Variants in CCDC150 observed in about 807,000 individuals in gnomAD.
The protein encoded by CCDC150 is coiled-coil domain-containing protein 150.
In CCDC150, 151 loss-of-function variants were observed where a neutral mutation model predicts 156.5. The observed-to-expected ratio is 0.97, with a 90% confidence interval of 0.85 to 1.10. The LOEUF (loss-of-function observed/expected upper bound fraction) is 1.10, where lower values mean the gene tolerates loss of function less well. Among genes scored for constraint, CCDC150 ranks in the 50% least tolerant of loss-of-function variants. The probability of loss-of-function intolerance (pLI) is 0.00; values close to 1 mark genes in which losing one functional copy is unlikely to be tolerated. For missense variants in CCDC150, 1,312 were observed against 1,268.1 expected, an observed-to-expected ratio of 1.03 and a Z score of -0.53; for synonymous variants, 452 against 429.4, an observed-to-expected ratio of 1.05 and a Z score of -0.65.
At chr2:196,729,730 C>T in intron 23 of CCDC150, 63 bp from the exon 24 acceptor site, 4 of 1,131,478 alleles carry the variant, frequency 3.5e-6, no homozygotes, top group Middle Eastern at 5.7e-4. Flanking sequence ...ATCCTATAGG[C>T]AAAAAGAGCA....
At chr2:196,647,802 GTTA>G (rs1238873628) in intron 2 of CCDC150, among the ~76,000 whole-genome samples, 1 of 152,010 alleles carries the variant, frequency 6.6e-6, no homozygotes, top group Non-Finnish European at 1.5e-5. Flanking sequence ...TATACAATAC[GTTA>G]TTATTAATTA....
intron 2 of CCDC150, among the ~76,000 whole-genome samples, chr2:196,656,052 G>C (rs1381355019): frequency 6.6e-6 from 1 of 152,118 alleles, no homozygotes; most frequent in Non-Finnish European, 1.5e-5. Context: ...TTGAGTTGTA[G>C]GCCCTTCTCT....
Position 196,720,703 on chromosome 2 carries a change from T to C in CCDC150, c.2259+35T>C. On this transcript the variant is annotated intron_variant, in intron 20 of 27. Transcript: ENST00000389175. ...AGGCTTTAAAAAATGATAACATTGA[T>C]ATTTTTAGTTTTATTGGGATATTAC... The C allele has an allele frequency of 1.9e-6, 3 of 1,555,400 alleles. No individual in the cohort carries two copies. The Admixed American group carries it at 5.4e-5, about 28-fold the overall frequency.
At chr2:196,665,720 T>A in intron 6 of CCDC150, 37 bp downstream of exon 6, 1 of 1,281,602 alleles carries the variant, frequency 7.8e-7, no homozygotes. Context: ...GTTTGGGAAA[T>A]GAAACCAAAC....
rs2125702472 is a variant in CCDC150, at chr2:196,718,570, TGAAA to T, written c.1937_1940del (p.Lys646ArgfsTer5). On this transcript the variant is annotated frameshift_variant, in exon 18 of 28. Coordinates refer to ENST00000389175, the MANE Select transcript of CCDC150 (RefSeq NM_001080539.2). LOFTEE classifies it high-confidence loss of function. ...ACAGTGAAGTGTCGTAATGCGGCCC[TGAAA>T]GAGAGTCAGAAGTTGAAAGAAGACC... 1 of 1,613,810 alleles carries T rather than the reference TGAAA, an allele frequency of 6.2e-7. No individual in the cohort carries two copies. The highest frequency in any genetic ancestry group is 8.5e-7 in the Non-Finnish European group (1 of 1,179,790).
chr2:196,642,916 A>T (rs908565665), intron 1 of CCDC150, among the ~76,000 whole-genome samples: 1 of 151,984 alleles, frequency 6.6e-6, no homozygotes, highest in Non-Finnish European at 1.5e-5. Flanking sequence ...ATTTTTAAAA[A>T]TTTTTGGAAG....
intron 1 of CCDC150, among the ~76,000 whole-genome samples, chr2:196,643,859 A>G (rs1483524013): frequency 6.6e-6 from 1 of 152,224 alleles, no homozygotes; most frequent in Non-Finnish European, 1.5e-5. Context: ...CTATATGTAG[A>G]AGAAAGTGAC....
Position 196,712,205 on chromosome 2 carries a change from G to T in CCDC150, c.1756G>T (p.Asp586Tyr). Residue 586 changes from aspartate (D) to tyrosine (Y), a missense_variant, in exon 16 of 28, where the codon GAT becomes TAT. Asp to Tyr is a radical substitution (Grantham distance 160, BLOSUM62 -3). Coordinates refer to ENST00000389175, the MANE Select transcript of CCDC150 (RefSeq NM_001080539.2). ...QSFTDTSLQN[D>Y]HLRKMNKYLQ... ...TTTTACTGACACCAGCTTACAGAAT[G>T]ATCATCTACGCAAGATGAATAAGTA... 1.3e-6 allele frequency: 2 copies of T among 1,584,872 alleles called. No individual in the cohort carries two copies. Among genetic ancestry groups the T allele is most frequent in the South Asian group, 2.3e-5 (2 of 85,948 alleles).
chr2:196,711,201 A>G (rs1697089470), intron 15 of CCDC150, among the ~76,000 whole-genome samples: 1 of 152,236 alleles, frequency 6.6e-6, no homozygotes, highest in Non-Finnish European at 1.5e-5. Flanking sequence ...AAGTAAATAT[A>G]GCTATGTGAT....
intron 13 of CCDC150, among the ~76,000 whole-genome samples, chr2:196,687,462 GGTT>G (rs1695186565): frequency 6.6e-6 from 1 of 152,062 alleles, no homozygotes; most frequent in Admixed American, 6.6e-5. Context: ...TGTTTAATGA[GGTT>G]GTCTTTTTCT....
At chr2:196,720,103 A>G (rs1697790573) in intron 19 of CCDC150, 3 of 402,522 alleles carry the variant, frequency 7.5e-6, no homozygotes, top group South Asian at 3.8e-5. Context: ...TCTGAGAACC[A>G]CTTCTAGCCA....
At chr2:196,723,770 G>A (rs1286097365) in intron 21 of CCDC150, among the ~76,000 whole-genome samples, 4 of 152,156 alleles carry the variant, frequency 2.6e-5, no homozygotes, top group Admixed American at 2.0e-4. Context: ...TTTGCAACAG[G>A]TATCTACCAA....
At position 196,647,351 on chromosome 2, in the gene CCDC150, A is replaced by G. The variant is rs140341155; in HGVS notation, c.176+847A>G. Among the ~76,000 whole-genome samples the G allele has an allele frequency of 7.1e-3, 1,087 of 152,238 alleles. 18 individuals carry two copies. Among genetic ancestry groups the G allele is most frequent in the African/African-American group, 0.025 (1,045 of 41,570 alleles). Reference sequence around the variant, plus strand: ...TTTATGCATATAAAATATGCATATAAACATATATGCATACATATTTTATAT... The same window carrying G: ...TTTATGCATATAAAATATGCATATAGACATATATGCATACATATTTTATAT... On this transcript the variant is annotated intron_variant, in intron 2 of 27. Transcript: ENST00000389175.
In CCDC150 at chr2:196,665,646, A is replaced by G; in HGVS notation, c.725A>G (p.Gln242Arg). ...KSASAMLLKI[Q>R]EMGSTVEVER... ...GCATCAGCCATGCTCCTCAAAATACAAGAAATGGGATCAACAGTGGAGGTA... is the reference window on the plus strand; with the variant it reads ...GCATCAGCCATGCTCCTCAAAATACGAGAAATGGGATCAACAGTGGAGGTA... Residue 242 changes from glutamine to arginine, a missense_variant, in exon 6 of 28, where the codon CAA (glutamine) becomes CGA (arginine). Physicochemically the swap from Gln to Arg is conservative, Grantham distance 43. Transcript: ENST00000389175. 1 of 1,602,656 alleles carries G rather than the reference A, an allele frequency of 6.2e-7. No homozygotes were observed. Among genetic ancestry groups the G allele is most frequent in the Non-Finnish European group, 8.5e-7 (1 of 1,174,574 alleles).
chr2:196,668,787 C>T (rs977509502), intron 7 of CCDC150, among the ~76,000 whole-genome samples: 2 of 152,132 alleles, frequency 1.3e-5, no homozygotes, highest in Admixed American at 6.5e-5. Context: ...CCCTTTCATT[C>T]TTAACTTTGG....
intron 10 of CCDC150, 35 bp from the exon 11 acceptor site, chr2:196,676,108 G>A (rs1259028464): frequency 6.2e-7 from 1 of 1,609,762 alleles, no homozygotes; most frequent in East Asian, 2.2e-5. Context: ...AGACTTTGTG[G>A]AGCTTCAACT....
intron 13 of CCDC150, among the ~76,000 whole-genome samples, chr2:196,684,527 A>G (rs1300708447): frequency 1.3e-5 from 2 of 152,146 alleles, no homozygotes; most frequent in East Asian, 1.9e-4. Context: ...TTTTGCTATT[A>G]TTGGGAGGAT....
intron 14 of CCDC150, among the ~76,000 whole-genome samples, chr2:196,695,571 C>T (rs978068834): frequency 1.1e-4 from 17 of 152,136 alleles, no homozygotes; most frequent in Admixed American, 1.3e-4. Flanking sequence ...AGGTGGGGCG[C>T]GGTGGCTCAC....
chr2:196,661,536 C>T (rs1259373017), intron 5 of CCDC150, among the ~76,000 whole-genome samples: 4 of 152,038 alleles, frequency 2.6e-5, no homozygotes. Flanking sequence ...GTTGAAAGGC[C>T]CTGTCTCCAA....
Sources: allele counts gnomAD v4.1 joint callset (sites outside exome capture counted in the v4.1 genomes callset), GRCh38; gene constraint gnomAD v4.1.1; transcripts MANE v1.5; gene names NCBI Gene and HGNC (gene_info 2026-07-23, HGNC 2026-07-21).